CNKSR2: variants seen among roughly 807,000 people sequenced by gnomAD.
The protein encoded by CNKSR2 is connector enhancer of kinase suppressor of Ras 2, also known as CNK homolog protein 2.
A neutral mutation model predicts 84.4 loss-of-function variants in CNKSR2; 14 were observed. The observed-to-expected ratio is 0.17, with a 90% CI of 0.11 to 0.26. The LOEUF is 0.26. CNKSR2 is among the 10% of genes least tolerant of loss of function. The probability of loss-of-function intolerance (pLI) is 1.00; values close to 1 mark genes in which losing one functional copy is unlikely to be tolerated. For missense variants in CNKSR2, 485 were observed against 771.2 expected, an observed-to-expected ratio of 0.63 and a Z score of 4.40; for synonymous variants, 275 against 277.9, an observed-to-expected ratio of 0.99 and a Z score of 0.10.
chrX:21,495,804 A>C (rs1400241996), intron 6 of CNKSR2: 3 of 97,476 alleles, frequency 3.1e-5, no homozygotes, highest in African/African-American at 7.5e-5. Context: ...AAAAAAAAAA[A>C]AAAAAAAAAA....
chrX:21,467,470 G>T (rs182694377), intron 4 of CNKSR2, among the ~76,000 whole-genome samples: 1 of 111,183 alleles, frequency 9.0e-6, no homozygotes, highest in Non-Finnish European at 1.9e-5. Context: ...TTCTTGATTT[G>T]TTTTAACACA....
intron 20 of CNKSR2, among the ~76,000 whole-genome samples, chrX:21,618,284 C>T (rs767149896): frequency 1.3e-4 from 14 of 111,101 alleles, no homozygotes; most frequent in African/African-American, 3.6e-4. Context: ...TATGCCGTGC[C>T]GTAGGTACAT....
intron 13 of CNKSR2, among the ~76,000 whole-genome samples, chrX:21,581,783 T>C (rs2092354811): frequency 8.9e-6 from 1 of 112,130 alleles, no homozygotes; most frequent in African/African-American, 3.2e-5. Context: ...GAGCTGAGTA[T>C]AGAGTGGTGA....
At chrX:21,595,920 A>G (rs1394342335) in intron 17 of CNKSR2, among the ~76,000 whole-genome samples, 2 of 111,462 alleles carry the variant, frequency 1.8e-5, no homozygotes, top group Non-Finnish European at 3.8e-5. Flanking sequence ...TTCTTTTCTC[A>G]TCACCTACCA....
intron 20 of CNKSR2, among the ~76,000 whole-genome samples, chrX:21,611,851 G>A (rs375605799): frequency 1.8e-5 from 2 of 111,380 alleles, no homozygotes; most frequent in Non-Finnish European, 3.8e-5. Context: ...GGGATGTTTC[G>A]TGCTATTTCA....
chrX:21,435,952 G>C (rs1287215011), intron 3 of CNKSR2, among the ~76,000 whole-genome samples: 1 of 111,076 alleles, frequency 9.0e-6, no homozygotes, highest in Non-Finnish European at 1.9e-5. Flanking sequence ...CATATTTAAG[G>C]CATAAGAGTT....
chrX:21,586,081 T>C (rs1213669736), intron 13 of CNKSR2, among the ~76,000 whole-genome samples: 1 of 110,636 alleles, frequency 9.0e-6, no homozygotes, highest in African/African-American at 3.3e-5. Context: ...GGAACAAAAA[T>C]GCTCAGTGAT....
In CNKSR2 at chrX:21,483,894, C is replaced by T. The variant is rs372729929; in HGVS notation, c.562-6565C>T. ...GTATGATATTTTATAAAAAACAAAG[C>T]CTCCCTTGTTCCCCCAGTACAATGC... On this transcript the variant is annotated intron_variant, in intron 5 of 21. Coordinates refer to ENST00000379510, the MANE Select transcript of CNKSR2 (RefSeq NM_014927.5). Among the ~76,000 whole-genome samples the T allele has an allele frequency of 3.6e-5, 4 of 111,260 alleles. No individual in the cohort carries two copies. The East Asian group carries it at 1.1e-3, about 31-fold the overall frequency.
rs2090224442 is a variant in CNKSR2, at chrX:21,403,720, C to T, written c.65-22777C>T. ...GCATGTATTAAATACCTTCTGTGAA[C>T]TAGGTTCTATTCTGATAATACAAAA... On this transcript the variant is annotated intron_variant, in intron 1 of 21. Coordinates refer to ENST00000379510, the MANE Select transcript of CNKSR2 (RefSeq NM_014927.5). Among the ~76,000 whole-genome samples the T allele has an allele frequency of 6.3e-5, 7 of 111,744 alleles. No individual in the cohort carries two copies. The South Asian group carries it at 2.2e-3, about 36-fold the overall frequency.
At chrX:21,467,310 A>G (rs897228265) in intron 4 of CNKSR2, among the ~76,000 whole-genome samples, 2 of 111,040 alleles carry the variant, frequency 1.8e-5, no homozygotes, top group East Asian at 5.6e-4. Context: ...ATTTTAACCC[A>G]CCCCTCAAAT....
intron 3 of CNKSR2, among the ~76,000 whole-genome samples, chrX:21,433,263 A>G (rs1031640894): frequency 9.0e-6 from 1 of 111,468 alleles, no homozygotes; most frequent in Admixed American, 9.6e-5. Flanking sequence ...GCCTCGCTTC[A>G]TTCATTCTCT....
intron 1 of CNKSR2, among the ~76,000 whole-genome samples, chrX:21,395,280 T>G (rs2090105919): frequency 8.9e-6 from 1 of 111,913 alleles, no homozygotes; most frequent in Admixed American, 9.5e-5. Flanking sequence ...ATACACAAAT[T>G]TATTAAGAGC....
At chrX:21,623,300 T>C (rs1470660989) in intron 20 of CNKSR2, among the ~76,000 whole-genome samples, 1 of 111,692 alleles carries the variant, frequency 9.0e-6, no homozygotes, top group Non-Finnish European at 1.9e-5. Context: ...AATAATGACT[T>C]GGTAGTATAA....
intron 11 of CNKSR2, among the ~76,000 whole-genome samples, chrX:21,547,796 A>G (rs1299652103): frequency 8.9e-6 from 1 of 112,267 alleles, no homozygotes; most frequent in Non-Finnish European, 1.9e-5. Flanking sequence ...GCACAACAAC[A>G]TGGAAACTGA....
chrX:21,377,456 A>G (rs1026561905), intron 1 of CNKSR2, among the ~76,000 whole-genome samples: 3 of 112,059 alleles, frequency 2.7e-5, no homozygotes, highest in African/African-American at 9.7e-5. Context: ...GAGATGGCTA[A>G]ACCTCATTTA....
chrX:21,553,058 A>G (rs2092107624), intron 11 of CNKSR2, among the ~76,000 whole-genome samples: 1 of 112,059 alleles, frequency 8.9e-6, no homozygotes, highest in African/African-American at 3.2e-5. Flanking sequence ...ACCACAAACA[A>G]AAAGTTGCAT....
Position 21,552,388 on chromosome X carries a change from G to C in CNKSR2, c.1304-9083G>C, listed in dbSNP as rs751913745. On this transcript the variant is annotated intron_variant, in intron 11 of 21. Transcript: ENST00000379510. ...TGGGTTAATTTACTGTTTCCCAAAT[G>C]TGTTTGTATATTAAATCCCTTTTTT... Among the ~76,000 whole-genome samples the C allele has an allele frequency of 4.5e-5, 5 of 112,082 alleles. No homozygotes were observed. The East Asian group carries it at 1.4e-3, about 31-fold the overall frequency.
chrX:21,544,322 G>C (rs771783727), intron 11 of CNKSR2, among the ~76,000 whole-genome samples: 1 of 111,516 alleles, frequency 9.0e-6, no homozygotes, highest in Non-Finnish European at 1.9e-5. Context: ...TTAAGCTCCA[G>C]TATAAAAATC....
intron 8 of CNKSR2, among the ~76,000 whole-genome samples, chrX:21,511,793 C>T (rs955082999): frequency 1.8e-5 from 2 of 111,612 alleles, no homozygotes; most frequent in Non-Finnish European, 3.8e-5. Context: ...TTCCCTTGTT[C>T]TGTCATCTAC....
Sources: gnomAD v4.1 joint callset for allele counts (sites outside exome capture counted in the v4.1 genomes callset) on GRCh38, gnomAD v4.1.1 for gene constraint, MANE v1.5 for transcripts, NCBI Gene and HGNC (gene_info 2026-07-23, HGNC 2026-07-21) for gene names.